The following TSPAN11 variants were observed in gnomAD, a reference collection of about 807,000 sequenced individuals.
TSPAN11 encodes tetraspanin 11.
A neutral mutation model predicts 32.9 loss-of-function variants in TSPAN11; 29 were observed. The observed-to-expected ratio is 0.88, with a 90% CI of 0.66 to 1.20. The LOEUF is 1.20. Ranked by LOEUF, TSPAN11 falls within the 50% of genes most tolerant of loss-of-function variation. TSPAN11 has a pLI of 0.00. For missense variants in TSPAN11, 283 were observed against 329.1 expected (o/e 0.86, Z 1.08); for synonymous variants, 140 against 141.3 (o/e 0.99, Z 0.07).
intron 1 of TSPAN11, among the ~76,000 whole-genome samples, chr12:30,928,142 G>A (rs958455994): frequency 6.6e-6 from 1 of 152,320 alleles, no homozygotes; most frequent in Non-Finnish European, 1.5e-5. Context: ...GTACAGGCCT[G>A]TGTGATTCCC....
chr12:30,964,742 AAC>A (rs1938693501), intron 3 of TSPAN11, among the ~76,000 whole-genome samples: 1 of 152,230 alleles, frequency 6.6e-6, no homozygotes, highest in Non-Finnish European at 1.5e-5. Flanking sequence ...TAAAACAATT[AAC>A]AGTCATTCCT....
chr12:30,943,736 AG>A (rs1319037197), intron 1 of TSPAN11, among the ~76,000 whole-genome samples: 4 of 152,320 alleles, frequency 2.6e-5, no homozygotes, highest in Non-Finnish European at 4.4e-5. Flanking sequence ...CAAGAGTCTG[AG>A]GAAGTCTCAC....
chr12:30,991,959 T>C lies in TSPAN11; in HGVS notation c.*44T>C, dbSNP rs1327287902. ...TCCAACTGCCCCTCAAGACAACATG[T>C]GGCCACATGCCATCTGCAAGGCCTG... is the stretch of plus-strand genomic sequence containing the variant. On this transcript the variant is annotated 3_prime_UTR_variant, in exon 8 of 8. Coordinates refer to ENST00000546076, the MANE Select transcript of TSPAN11 (RefSeq NM_001370302.1). 6.8e-6 allele frequency: 11 copies of C among 1,609,608 alleles called. No individual in the cohort carries two copies. The highest frequency in any genetic ancestry group is 7.7e-6 in the Non-Finnish European group (9 of 1,176,126).
At chr12:31,000,754 A>G (rs1939470228), downstream of TSPAN11, among the ~76,000 whole-genome samples, 1 of 152,210 alleles carries the variant, frequency 6.6e-6, no homozygotes, top group African/African-American at 2.4e-5. Flanking sequence ...ATGAAGCTCA[A>G]TACACACAAA....
At chr12:30,972,852 A>C (rs922763272) in intron 3 of TSPAN11, among the ~76,000 whole-genome samples, 7 of 151,930 alleles carry the variant, frequency 4.6e-5, no homozygotes, top group Non-Finnish European at 1.0e-4. Flanking sequence ...TGCCTGCCCC[A>C]CTGGTGCCCA....
At position 30,979,605 on chromosome 12, in the gene TSPAN11, G is replaced by C. The variant is rs2140303895; in HGVS notation, c.391G>C (p.Ala131Pro). Residue 131 changes from alanine to proline, a missense_variant, in exon 5 of 8, where the codon GCT (alanine) becomes CCT (proline). Transcript: ENST00000546076. ...GAAGCAGCACTTGAACCGGACTCTG[G>C]CTGAGAACTACGGGCAGCCCGGAGC... Reference protein sequence around the residue: ...ELKQHLNRTLAENYGQPGATQ... With the variant: ...ELKQHLNRTLPENYGQPGATQ... The C allele has an allele frequency of 1.9e-6, 3 of 1,614,188 alleles. No homozygotes were observed. Among genetic ancestry groups the C allele is most frequent in the Non-Finnish European group, 1.7e-6 (2 of 1,180,046 alleles).
intron 1 of TSPAN11, among the ~76,000 whole-genome samples, chr12:30,952,060 G>A (rs146092169): frequency 0.015 from 2,265 of 152,194 alleles, 31 homozygotes; most frequent in Non-Finnish European, 0.024. Context: ...CTTAAGCCTT[G>A]TCTTCTGCCT....
chr12:31,013,562 C>T, the TSPAN11 span, among the ~76,000 whole-genome samples: 1 of 150,074 alleles, frequency 6.7e-6, no homozygotes, highest in Non-Finnish European at 1.5e-5. Flanking sequence ...GTACTCCAGC[C>T]TGGGCAACAG....
chr12:30,991,953 AACATGTGGCC>A lies in TSPAN11; in HGVS notation c.*44_*53del, dbSNP rs1939322243. ...TCCTCTTCCAACTGCCCCTCAAGAC[AACATGTGGCC>A]ACATGCCATCTGCAAGGCCTGCAGA... On this transcript the variant is annotated 3_prime_UTR_variant, in exon 8 of 8. Transcript: ENST00000546076. 2 of 1,612,292 alleles carry A rather than the reference AACATGTGGCC, an allele frequency of 1.2e-6. No homozygotes were observed. Among genetic ancestry groups the A allele is most frequent in the Non-Finnish European group, 1.7e-6 (2 of 1,178,472 alleles).
intron 2 of TSPAN11, among the ~76,000 whole-genome samples, chr12:30,955,735 A>G (rs561951537): frequency 6.6e-6 from 1 of 152,246 alleles, no homozygotes; most frequent in South Asian, 2.1e-4. Flanking sequence ...TTGTGGCTGC[A>G]TCACTATAGT....
chr12:30,927,925 C>T (rs1434946209), intron 1 of TSPAN11, among the ~76,000 whole-genome samples: 1 of 152,048 alleles, frequency 6.6e-6, no homozygotes, highest in Admixed American at 6.5e-5. Context: ...CCAATTAATG[C>T]CTGGAAATGC....
intron 1 of TSPAN11, among the ~76,000 whole-genome samples, chr12:30,932,407 G>A (rs6487951): frequency 0.2 from 29,987 of 152,048 alleles, 3,795 homozygotes; most frequent in African/African-American, 0.36. Flanking sequence ...ATATATGCAC[G>A]TGTATTTTGT....
chr12:30,966,353 G>A (rs1005314185), intron 3 of TSPAN11, among the ~76,000 whole-genome samples: 12 of 152,194 alleles, frequency 7.9e-5, no homozygotes, highest in African/African-American at 1.2e-4. Context: ...TGGTGCACCT[G>A]GTCACCCCAG....
chr12:30,949,517 G>A (rs574233852), intron 1 of TSPAN11, among the ~76,000 whole-genome samples: 15 of 152,246 alleles, frequency 9.9e-5, no homozygotes, highest in African/African-American at 3.6e-4. Flanking sequence ...ATCAGATCTC[G>A]TGAGACTTAT....
rs190888254 is a variant in TSPAN11 at position 30,981,840 on chromosome 12, G to A, written c.457-692G>A. ...CACCCACCTCCAGACATACACCAGC[G>A]ACAGCCTCACAGCAGCCCTGTTCTC... On this transcript the variant is annotated intron_variant, in intron 5 of 7. Transcript: ENST00000546076. Among the ~76,000 whole-genome samples the A allele has an allele frequency of 5.9e-5, 9 of 152,268 alleles. No individual in the cohort carries two copies. The East Asian group carries it at 1.2e-3, about 20-fold the overall frequency.
At chr12:30,957,247 C>G (rs946799900) in intron 2 of TSPAN11, among the ~76,000 whole-genome samples, 1 of 144,252 alleles carries the variant, frequency 6.9e-6, no homozygotes, top group Non-Finnish European at 1.5e-5. Flanking sequence ...CCCCCCACAC[C>G]ATGGTCTTCT....
rs1447733261 is a variant in TSPAN11, at chr12:30,959,197, C to T, written c.85-4629C>T. Among the ~76,000 whole-genome samples, 4 of 152,098 alleles carry T rather than the reference C, an allele frequency of 2.6e-5. No individual in the cohort carries two copies. The East Asian group carries it at 7.7e-4, about 29-fold the overall frequency. On this transcript the variant is annotated intron_variant, in intron 2 of 7. Transcript: ENST00000546076. ...ACCAGGCCGTGTGCTGGGCCGCGTTCTGAGGGGAGTGAGGGGACTTTCCCT... is the reference window on the plus strand; with the variant it reads ...ACCAGGCCGTGTGCTGGGCCGCGTTTTGAGGGGAGTGAGGGGACTTTCCCT...
intron 2 of TSPAN11, among the ~76,000 whole-genome samples, chr12:30,962,121 T>C (rs774342056): frequency 6.6e-6 from 1 of 151,950 alleles, no homozygotes; most frequent in Non-Finnish European, 1.5e-5. Flanking sequence ...CATCCCAATT[T>C]TAGAGATGTT....
chr12:30,933,365 G>A (rs1400735457), intron 1 of TSPAN11, among the ~76,000 whole-genome samples: 1 of 152,202 alleles, frequency 6.6e-6, no homozygotes, highest in African/African-American at 2.4e-5. Context: ...GCTCAGATAG[G>A]TTAGGTGACC....
Sources: allele counts gnomAD v4.1 joint callset (sites outside exome capture counted in the v4.1 genomes callset), GRCh38; gene constraint gnomAD v4.1.1; transcripts MANE v1.5; gene names NCBI Gene and HGNC (gene_info 2026-07-23, HGNC 2026-07-21).